CNTNAP5: variants seen among roughly 807,000 people sequenced by gnomAD.
CNTNAP5 encodes the protein contactin associated protein family member 5, also known as contactin-associated protein-like 5.
In CNTNAP5, 72 loss-of-function variants were observed where a neutral mutation model predicts 150.2. The ratio of observed to expected loss-of-function variants is 0.48; its 90% CI spans 0.40 to 0.58. The LOEUF is 0.58. Among genes scored for constraint, CNTNAP5 ranks in the 20% least tolerant of loss-of-function variants. CNTNAP5 has a pLI of 0.00. For missense variants in CNTNAP5, 1,636 were observed against 1,626.2 expected (o/e 1.01, Z -0.10); for synonymous variants, 672 against 619.8 (o/e 1.08, Z -1.25).
chr2:124,510,479 A>ATATG (rs1694554931), intron 8 of CNTNAP5, among the ~76,000 whole-genome samples: 1 of 12,924 alleles, frequency 7.7e-5, no homozygotes, highest in Non-Finnish European at 1.6e-4. Flanking sequence ...ATGTATGTGT[A>ATATG]TATATATATA....
At chr2:124,607,045 T>C (rs1382939121) in intron 11 of CNTNAP5, among the ~76,000 whole-genome samples, 1 of 152,234 alleles carries the variant, frequency 6.6e-6, no homozygotes, top group Non-Finnish European at 1.5e-5. Flanking sequence ...TTTGAATCCT[T>C]ACTACAACAG....
intron 3 of CNTNAP5, among the ~76,000 whole-genome samples, chr2:124,405,016 A>G (rs1691533563): frequency 7.1e-6 from 1 of 141,034 alleles, no homozygotes; most frequent in Non-Finnish European, 1.6e-5. Flanking sequence ...AATTCAGTAT[A>G]TTAGTACTTA....
rs539096126 is a variant in CNTNAP5, at chr2:124,904,069, A to C, written c.3655+969A>C. 8.6e-5 allele frequency among the ~76,000 whole-genome samples: 13 copies of C among 150,480 alleles called. 1 individual carries two copies. The highest frequency in any genetic ancestry group is 2.6e-4 in the Admixed American group (4 of 15,136). On this transcript the variant is annotated intron_variant, in intron 22 of 23. Coordinates refer to ENST00000682447, the MANE Select transcript of CNTNAP5 (RefSeq NM_001367498.1). ...ACTCTGTTTCAAAAAAAAAAACAAA[A>C]AAAAAAAAACCAAAATGTATCATCT...
Position 124,860,478 on chromosome 2 carries a change from TC to T in CNTNAP5, c.3218-4826del, listed in dbSNP as rs1558803860. Among the ~76,000 whole-genome samples, 4 of 96,860 alleles carry T rather than the reference TC, an allele frequency of 4.1e-5. No individual in the cohort carries two copies. In the East Asian group the frequency reaches 1.1e-3, roughly 27 times the overall value. The allele number at this position is 96,860 out of a possible 152,430, so 63.5% of individuals were successfully genotyped here. Reference sequence around the variant, plus strand: ...TTCCTTCCTTCCTTCCTTCCTTCCTTCCTTCCTTCCTTCCTTCCTTCCTTCT... The same window carrying T: ...TTCCTTCCTTCCTTCCTTCCTTCCTTCTTCCTTCCTTCCTTCCTTCCTTCT... On this transcript the variant is annotated intron_variant, in intron 19 of 23. Coordinates refer to ENST00000682447, the MANE Select transcript of CNTNAP5 (RefSeq NM_001367498.1).
At chr2:124,188,948 G>A (rs1685399229) in intron 1 of CNTNAP5, among the ~76,000 whole-genome samples, 1 of 152,094 alleles carries the variant, frequency 6.6e-6, no homozygotes, top group South Asian at 2.1e-4. Flanking sequence ...GCCTAAATGA[G>A]TGAATCCAAG....
intron 13 of CNTNAP5, among the ~76,000 whole-genome samples, chr2:124,649,120 C>T (rs1333015005): frequency 3.3e-5 from 5 of 152,182 alleles, no homozygotes; most frequent in African/African-American, 4.8e-5. Flanking sequence ...ATGGATTACA[C>T]GCTTCCATGC....
intron 19 of CNTNAP5, among the ~76,000 whole-genome samples, chr2:124,845,136 T>C (rs918175830): frequency 1.3e-5 from 2 of 152,136 alleles, no homozygotes; most frequent in African/African-American, 2.4e-5. Context: ...GCTTTTATTA[T>C]GTAAAGGTAT....
intron 11 of CNTNAP5, among the ~76,000 whole-genome samples, chr2:124,584,695 G>A (rs1427966698): frequency 2.6e-5 from 4 of 152,120 alleles, no homozygotes; most frequent in African/African-American, 9.7e-5. Flanking sequence ...AAGAATTCTG[G>A]ACTCGTTAAA....
At chr2:124,260,675 T>C (rs1573873861) in intron 3 of CNTNAP5, among the ~76,000 whole-genome samples, 1 of 152,082 alleles carries the variant, frequency 6.6e-6, no homozygotes, top group African/African-American at 2.4e-5. Flanking sequence ...GGTAATACTT[T>C]CAACCAGCAT....
intron 5 of CNTNAP5, among the ~76,000 whole-genome samples, chr2:124,437,724 G>T (rs1692569767): frequency 6.6e-6 from 1 of 152,072 alleles, no homozygotes; most frequent in Admixed American, 6.6e-5. Flanking sequence ...TAACATCCAT[G>T]ATCAGGATTG....
At chr2:124,518,395 A>G (rs1694778267) in intron 8 of CNTNAP5, among the ~76,000 whole-genome samples, 2 of 152,206 alleles carry the variant, frequency 1.3e-5, no homozygotes. Flanking sequence ...TCATTTAATT[A>G]TTTTCAGAAG....
chr2:124,264,543 G>C (rs908530703), intron 3 of CNTNAP5, among the ~76,000 whole-genome samples: 1 of 152,116 alleles, frequency 6.6e-6, no homozygotes, highest in African/African-American at 2.4e-5. Flanking sequence ...TCCAGTCAAG[G>C]TTCCTGGGAA....
intron 1 of CNTNAP5, among the ~76,000 whole-genome samples, chr2:124,050,136 A>G (rs571296701): frequency 6.6e-6 from 1 of 152,260 alleles, no homozygotes; most frequent in South Asian, 2.1e-4. Context: ...TCACTCATTG[A>G]TAGATATTCT....
rs10641959 is a variant in CNTNAP5 at position 124,510,518 on chromosome 2, T to TATATATACACACAC, written c.1327+5963_1327+5964insTATATACACACACA. On this transcript the variant is annotated intron_variant, in intron 8 of 23. Coordinates refer to ENST00000682447, the MANE Select transcript of CNTNAP5 (RefSeq NM_001367498.1). ...ATATATATATATATATATATATATA[T>TATATATACACACAC]ACATATATCTCCATATATCAACACA... 8.0e-4 allele frequency among the ~76,000 whole-genome samples: 100 copies of TATATATACACACAC among 124,882 alleles called. 2 individuals carry two copies. Among genetic ancestry groups the TATATATACACACAC allele is most frequent in the African/African-American group, 3.1e-3 (97 of 31,364 alleles). The allele number at this position is 124,882 out of a possible 152,430, so 81.9% of individuals were successfully genotyped here. A position where few individuals can be genotyped will look rare whatever the true frequency, so the allele number is the denominator to read the frequency against.
chr2:124,247,741 T>G (rs1687066676), intron 3 of CNTNAP5, among the ~76,000 whole-genome samples: 1 of 152,092 alleles, frequency 6.6e-6, no homozygotes, highest in Non-Finnish European at 1.5e-5. Context: ...AAAATGAATT[T>G]GAAGAGAGAG....
intron 19 of CNTNAP5, among the ~76,000 whole-genome samples, chr2:124,834,963 T>C (rs1682798979): frequency 6.6e-6 from 1 of 151,616 alleles, no homozygotes; most frequent in Admixed American, 6.6e-5. Context: ...GACCCTTGGT[T>C]TACTCATCTA....
rs1207986055 is a variant in CNTNAP5 at position 124,916,191 on chromosome 2, A to C, written c.*1903A>C. Among the ~76,000 whole-genome samples, 1 of 151,454 alleles carries C rather than the reference A, an allele frequency of 6.6e-6. No individual in the cohort carries two copies. Among genetic ancestry groups the C allele is most frequent in the Non-Finnish European group, 1.5e-5 (1 of 67,994 alleles). The stretch of plus-strand genomic sequence containing the variant: ...CTCCTCGAAATTTTCTGTGGATTTG[A>C]GCTCAATCGCTTTATCATCTACATG... On this transcript the variant is annotated 3_prime_UTR_variant, in exon 24 of 24. Coordinates refer to ENST00000682447, the MANE Select transcript of CNTNAP5 (RefSeq NM_001367498.1).
chr2:124,155,373 T>C (rs1015114105), intron 1 of CNTNAP5, among the ~76,000 whole-genome samples: 1 of 152,080 alleles, frequency 6.6e-6, no homozygotes. Context: ...CCTGTGGAAT[T>C]CTCAACTGAA....
intron 1 of CNTNAP5, among the ~76,000 whole-genome samples, chr2:124,117,899 C>A (rs2104712882): frequency 6.6e-6 from 1 of 152,216 alleles, no homozygotes; most frequent in African/African-American, 2.4e-5. Context: ...GCCTGGGTAA[C>A]ATGGCAAAAT....
Sources: gnomAD v4.1 joint callset for allele counts (sites outside exome capture counted in the v4.1 genomes callset) on GRCh38, gnomAD v4.1.1 for gene constraint, MANE v1.5 for transcripts, NCBI Gene and HGNC (gene_info 2026-07-23, HGNC 2026-07-21) for gene names.